DNM3: variants seen among roughly 807,000 people sequenced by gnomAD.
DNM3 encodes the protein dynamin-3.
Under a neutral mutation model 101.6 loss-of-function variants are expected in DNM3, and 47 were observed. The observed-to-expected ratio is 0.46, with a 90% CI of 0.37 to 0.59. The LOEUF (loss-of-function observed/expected upper bound fraction) is 0.59. DNM3 is among the 20% of genes least tolerant of loss of function. The pLI is 0.00. For missense variants in DNM3, 849 were observed against 1,085.7 expected, an observed-to-expected ratio of 0.78 and a Z score of 3.06; for synonymous variants, 385 against 387.9, an observed-to-expected ratio of 0.99 and a Z score of 0.09.
chr1:172,279,135 A>T (rs755961314), intron 15 of DNM3, among the ~76,000 whole-genome samples: 7 of 152,196 alleles, frequency 4.6e-5, no homozygotes, highest in Non-Finnish European at 7.3e-5. Flanking sequence ...AAGCTTGAGA[A>T]TAATTAATTT....
At chr1:172,354,685 A>G (rs2067363161) in intron 17 of DNM3, among the ~76,000 whole-genome samples, 2 of 152,178 alleles carry the variant, frequency 1.3e-5, no homozygotes, top group Admixed American at 6.5e-5. Context: ...GACTGAGCAC[A>G]CAGGAGGATG....
intron 19 of DNM3, among the ~76,000 whole-genome samples, chr1:172,388,238 A>T (rs78811660): frequency 6.7e-6 from 1 of 149,682 alleles, no homozygotes; most frequent in African/African-American, 2.5e-5. Context: ...CGCCTCAAAG[A>T]AAAAAAAAAG....
intron 4 of DNM3, among the ~76,000 whole-genome samples, chr1:171,998,338 G>T (rs1048285801): frequency 3.9e-5 from 6 of 152,066 alleles, no homozygotes; most frequent in African/African-American, 1.4e-4. Flanking sequence ...AAAAACAATT[G>T]GTTTAGGAGT....
At chr1:172,313,877 A>G (rs1215466033) in intron 16 of DNM3, among the ~76,000 whole-genome samples, 2 of 152,058 alleles carry the variant, frequency 1.3e-5, no homozygotes, top group Non-Finnish European at 2.9e-5. Context: ...TACGTGTGCC[A>G]TGGTGGTTTG....
At chr1:172,016,311 A>T (rs963465256) in intron 4 of DNM3, among the ~76,000 whole-genome samples, 1 of 152,078 alleles carries the variant, frequency 6.6e-6, no homozygotes, top group African/African-American at 2.4e-5. Flanking sequence ...AAAAATTATG[A>T]ATTGGTATTG....
chr1:171,848,160 G>A (rs1274612718), intron 1 of DNM3, among the ~76,000 whole-genome samples: 2 of 152,050 alleles, frequency 1.3e-5, no homozygotes, highest in Non-Finnish European at 2.9e-5. Flanking sequence ...TCTTCCTCCT[G>A]TTATTGTTTT....
intron 14 of DNM3, among the ~76,000 whole-genome samples, chr1:172,211,335 G>A (rs2148521771): frequency 6.6e-6 from 1 of 152,170 alleles, no homozygotes; most frequent in East Asian, 1.9e-4. Context: ...ACCGTCTAAA[G>A]TTTTCCTTCT....
At chr1:172,044,587 C>A in intron 9 of DNM3, 135 bp downstream of exon 9, 2 of 734,814 alleles carry the variant, frequency 2.7e-6, no homozygotes, top group Non-Finnish European at 4.4e-6. Context: ...AACAGGAAAT[C>A]CTACTTTGGG....
In DNM3 at chr1:172,339,084, G is replaced by A. The variant is rs1420477232; in HGVS notation, c.1893+15744G>A. On this transcript the variant is annotated intron_variant, in intron 17 of 20. Coordinates refer to ENST00000627582, the MANE Select transcript of DNM3 (RefSeq NM_015569.5). ...TTTGATTACTATTGAAGAAAAGTTG[G>A]GGGGAACATCTCACTGTGAAATATT... is the stretch of plus-strand genomic sequence containing the variant. 4 of 488,476 alleles carry A rather than the reference G, an allele frequency of 8.2e-6. 1 individual carries two copies. Among genetic ancestry groups the A allele is most frequent in the East Asian group, 5.6e-5 (1 of 18,012 alleles). 30.3% of individuals were successfully genotyped at this position (488,476 alleles called of 1,614,324 possible).
chr1:172,284,874 C>T (rs775107763), intron 15 of DNM3, among the ~76,000 whole-genome samples: 2 of 152,104 alleles, frequency 1.3e-5, no homozygotes, highest in Non-Finnish European at 2.9e-5. Flanking sequence ...TATGGTTCAA[C>T]TCAATGGATG....
At chr1:171,917,054 T>G (rs1244608528) in intron 1 of DNM3, among the ~76,000 whole-genome samples, 1 of 152,238 alleles carries the variant, frequency 6.6e-6, no homozygotes, top group Non-Finnish European at 1.5e-5. Flanking sequence ...GTACCTGTTA[T>G]GCTTATTATA....
At chr1:172,233,238 C>A (rs1314996288) in intron 14 of DNM3, among the ~76,000 whole-genome samples, 1 of 152,062 alleles carries the variant, frequency 6.6e-6, no homozygotes, top group East Asian at 1.9e-4. Context: ...TACAAACTAC[C>A]ATCAGAGAGT....
At chr1:172,374,753 T>C (rs545147956) in intron 17 of DNM3, among the ~76,000 whole-genome samples, 3 of 152,206 alleles carry the variant, frequency 2.0e-5, no homozygotes, top group Admixed American at 1.3e-4. Context: ...TCTAGGACTT[T>C]ATTAACTTTG....
intron 13 of DNM3, among the ~76,000 whole-genome samples, chr1:172,098,461 T>C (rs2054402117): frequency 6.6e-6 from 1 of 152,156 alleles, no homozygotes; most frequent in Non-Finnish European, 1.5e-5. Flanking sequence ...GTGCCCAGAG[T>C]TCATATTGTT....
chr1:172,183,194 A>G (rs1459435162), intron 14 of DNM3, among the ~76,000 whole-genome samples: 1 of 152,116 alleles, frequency 6.6e-6, no homozygotes, highest in Non-Finnish European at 1.5e-5. Flanking sequence ...TCTCTAGATC[A>G]TGCCTGTTAT....
chr1:172,300,480 G>A (rs967132957), intron 15 of DNM3, among the ~76,000 whole-genome samples: 9 of 151,996 alleles, frequency 5.9e-5, no homozygotes, highest in African/African-American at 1.9e-4. Context: ...ATTCCAGGAA[G>A]GTATTTTCTA....
intron 15 of DNM3, among the ~76,000 whole-genome samples, chr1:172,254,912 G>C (rs2062338195): frequency 6.6e-6 from 1 of 152,108 alleles, no homozygotes; most frequent in African/African-American, 2.4e-5. Flanking sequence ...AACACAGTAA[G>C]TCATTAGGTA....
intron 1 of DNM3, among the ~76,000 whole-genome samples, chr1:171,861,934 T>C (rs1275107656): frequency 2.0e-5 from 3 of 152,122 alleles, no homozygotes; most frequent in African/African-American, 7.2e-5. Context: ...GCAGAAGACT[T>C]GATTTTCTAA....
At chr1:172,376,629 CTT>C (rs2068618638) in intron 17 of DNM3, 1 of 151,982 alleles carries the variant, frequency 6.6e-6, no homozygotes, top group South Asian at 2.1e-4. Flanking sequence ...TTTACTGCTT[CTT>C]TTTTTCTAAA....
Sources: allele counts gnomAD v4.1 joint callset (sites outside exome capture counted in the v4.1 genomes callset), GRCh38; gene constraint gnomAD v4.1.1; transcripts MANE v1.5; gene names NCBI Gene and HGNC (gene_info 2026-07-23, HGNC 2026-07-21).